Variants in FGFR2 observed in about 807,000 individuals in gnomAD.
The protein encoded by FGFR2 is BEK fibroblast growth factor receptor.
Under a neutral mutation model 95.9 loss-of-function variants are expected in FGFR2, and 19 were observed. The ratio of observed to expected loss-of-function variants is 0.20; its 90% confidence interval spans 0.14 to 0.29. The LOEUF (loss-of-function observed/expected upper bound fraction) is 0.29, where lower values mean the gene tolerates loss of function less well. FGFR2 is among the 10% of genes least tolerant of loss of function. The pLI, the probability that FGFR2 is intolerant of heterozygous loss-of-function variation, is 1.00. For missense variants in FGFR2, 707 were observed against 1,056.9 expected, an observed-to-expected ratio of 0.67 and a Z score of 4.59; for synonymous variants, 392 against 393.3, an observed-to-expected ratio of 1.00 and a Z score of 0.04.
chr10:121,482,096 CA>C (rs1325628458), intron 17 of FGFR2: 1 of 1,375,112 alleles, frequency 7.3e-7, no homozygotes, highest in Non-Finnish European at 1.0e-6. Context: ...CTCGGCCTCC[CA>C]AAGTGCTGGG....
intron 13 of FGFR2, 90 bp from the exon 14 acceptor site, chr10:121,488,203 A>T: frequency 6.4e-7 from 1 of 1,555,112 alleles, no homozygotes; most frequent in Non-Finnish European, 8.8e-7. Flanking sequence ...AAATGCAGAT[A>T]GAAAATATAG....
Position 121,586,150 on chromosome 10 carries a change from C to T in FGFR2, c.109+7559G>A, listed in dbSNP as rs41301573. ...ATTTAACAGTAAACTGTCAGGTATA[C>T]AAATGGGTCACATATAGTAATATAG... On this transcript the variant is annotated intron_variant, in intron 2 of 17. Transcript: ENST00000358487. Among the ~76,000 whole-genome samples, 773 of 152,200 alleles carry T rather than the reference C, an allele frequency of 5.1e-3. 11 individuals are homozygous for T. In the East Asian group the frequency reaches 0.062, roughly 12 times the overall value.
rs1285926952 is a variant in FGFR2, at chr10:121,485,991, G to GA, written c.2058-460dup. On this transcript the variant is annotated intron_variant, in intron 15 of 17. Transcript: ENST00000358487. The surrounding 1 kb of genome is among the most constrained non-coding windows in gnomAD (Gnocchi z 4.2). ...GAACATCTGCTGCACAGAGGCTCTG[G>GA]AACTTACTAAGATCGCAAAGGCAAT... 6.6e-6 allele frequency among the ~76,000 whole-genome samples: 1 copy of GA among 152,200 alleles called. No homozygotes were observed. The highest frequency in any genetic ancestry group is 1.9e-4 in the East Asian group (1 of 5,194).
chr10:121,537,541 G>A (rs1317104026), intron 6 of FGFR2, among the ~76,000 whole-genome samples: 1 of 152,154 alleles, frequency 6.6e-6, no homozygotes, highest in Non-Finnish European at 1.5e-5. Flanking sequence ...ACCCACACAT[G>A]AGATGATACT....
intron 5 of FGFR2, among the ~76,000 whole-genome samples, chr10:121,545,495 G>A (rs1313878892): frequency 6.6e-6 from 1 of 152,106 alleles, no homozygotes; most frequent in East Asian, 1.9e-4. Flanking sequence ...TTGCTCCATG[G>A]GAGGCACCTG....
At chr10:121,547,087 G>A (rs1381106853) in intron 5 of FGFR2, among the ~76,000 whole-genome samples, 1 of 152,130 alleles carries the variant, frequency 6.6e-6, no homozygotes, top group Non-Finnish European at 1.5e-5. Context: ...AGCTGGGTGT[G>A]GTGGCGGGCA....
chr10:121,546,139 G>A (rs1051444205), intron 5 of FGFR2, among the ~76,000 whole-genome samples: 9 of 146,354 alleles, frequency 6.1e-5, no homozygotes, highest in Admixed American at 5.5e-4. Context: ...TGCAATAACT[G>A]TCCTGAGCCC....
In FGFR2 at chr10:121,518,625, T is replaced by G. The variant is rs1048899800; in HGVS notation, c.940-1162A>C. 2 of 1,608,714 alleles carry G rather than the reference T, an allele frequency of 1.2e-6. No individual in the cohort carries two copies. Among genetic ancestry groups the G allele is most frequent in the Non-Finnish European group, 1.7e-6 (2 of 1,176,464 alleles). ...CAGTCTCCCAAAGCACCAAGTCTTTTCAGCTTCTATATCCAGCTTTCTTTT... is the reference window on the plus strand; with the variant it reads ...CAGTCTCCCAAAGCACCAAGTCTTTGCAGCTTCTATATCCAGCTTTCTTTT... On this transcript the variant is annotated intron_variant, in intron 7 of 17. Transcript: ENST00000358487. The surrounding 1 kb of genome is among the most constrained non-coding windows in gnomAD (Gnocchi z 4.0).
chr10:121,580,957 C>T (rs1412904819), intron 2 of FGFR2, among the ~76,000 whole-genome samples: 3 of 152,168 alleles, frequency 2.0e-5, no homozygotes, highest in Non-Finnish European at 4.4e-5. Flanking sequence ...ACAGGGCATC[C>T]CCCAGGCGAG....
chr10:121,543,199 G>C (rs909999080), intron 5 of FGFR2, among the ~76,000 whole-genome samples: 34 of 152,100 alleles, frequency 2.2e-4, no homozygotes, highest in African/African-American at 8.2e-4. Flanking sequence ...TCATTCAACA[G>C]GTGAGTTGCC....
Position 121,598,078 on chromosome 10 carries a change from C to T in FGFR2, c.-267G>A, listed in dbSNP as rs1423546430. 2 of 398,168 alleles carry T rather than the reference C, an allele frequency of 5.0e-6. No individual in the cohort carries two copies. Among genetic ancestry groups the T allele is most frequent in the Admixed American group, 4.4e-5 (1 of 22,722 alleles). 24.7% of individuals were successfully genotyped at this position (398,168 alleles called of 1,614,324 possible). ...GCAACTCCAAACGCAGAAGAGTGGT[C>T]CTTGGGTCTTCGCCGGCGCCAAGCC... On this transcript the variant is annotated 5_prime_UTR_variant, in exon 1 of 18. Transcript: ENST00000358487.
intron 6 of FGFR2, among the ~76,000 whole-genome samples, chr10:121,525,639 GAGA>G (rs1851263282): frequency 6.6e-6 from 1 of 151,890 alleles, no homozygotes; most frequent in Non-Finnish European, 1.5e-5. Context: ...GAGAGAGAGA[GAGA>G]GAGAGGAAAA....
At position 121,593,885 on chromosome 10, in the gene FGFR2, C is replaced by T. The variant is rs1222285281; in HGVS notation, c.-68G>A. 2 of 1,441,158 alleles carry T rather than the reference C, an allele frequency of 1.4e-6. No homozygotes were observed. The highest frequency in any genetic ancestry group is 2.3e-5 in the South Asian group (2 of 87,494). 89.3% of individuals were successfully genotyped at this position (1,441,158 alleles called of 1,614,324 possible). A position where few individuals can be genotyped will look rare whatever the true frequency, so the allele number is the denominator to read the frequency against. On this transcript the variant is annotated 5_prime_UTR_variant, in exon 2 of 18. Transcript: ENST00000358487. ...GGACGTTAATCCCATCTGCACACTT[C>T]CTCTACGGGCATGGACTACGCGCAA...
At chr10:121,511,260 T>C (rs1849028109) in intron 9 of FGFR2, among the ~76,000 whole-genome samples, 1 of 151,980 alleles carries the variant, frequency 6.6e-6, no homozygotes, top group African/African-American at 2.4e-5. Flanking sequence ...GAGATGAATT[T>C]ATCTGGACGG....
intron 7 of FGFR2, 72 bp downstream of exon 7, chr10:121,519,907 T>A (rs2134304122): frequency 6.9e-7 from 1 of 1,451,088 alleles, no homozygotes; most frequent in Non-Finnish European, 9.7e-7. Context: ...CAACAGGAAA[T>A]CAAAGAACCT....
At chr10:121,509,646 G>A (rs1589802190) in intron 9 of FGFR2, among the ~76,000 whole-genome samples, 2 of 151,844 alleles carry the variant, frequency 1.3e-5, no homozygotes, top group East Asian at 1.9e-4. Context: ...ACCACGCCCA[G>A]CTAATTTTGT....
intron 5 of FGFR2, 97 bp downstream of exon 5, chr10:121,551,193 C>T: frequency 2.1e-6 from 3 of 1,415,748 alleles, no homozygotes; most frequent in Non-Finnish European, 2.9e-6. Flanking sequence ...GCACTCCAGC[C>T]TGGGCGACAG....
chr10:121,524,146 A>ACACCC (rs142755962), intron 6 of FGFR2, among the ~76,000 whole-genome samples: 86 of 136,962 alleles, frequency 6.3e-4, no homozygotes, highest in Non-Finnish European at 9.4e-4. Flanking sequence ...ACACACACAC[A>ACACCC]CCCCAAGTTT....
rs183314402 is a variant in FGFR2 at position 121,543,454 on chromosome 10, G to A, written c.625-4739C>T. Reference sequence around the variant, plus strand: ...GAACCCGGGAGACAGAGACTGCAGTGAGCTGAGATCATGCCACTGTACTCC... The same window carrying A: ...GAACCCGGGAGACAGAGACTGCAGTAAGCTGAGATCATGCCACTGTACTCC... On this transcript the variant is annotated intron_variant, in intron 5 of 17. Transcript: ENST00000358487. 2.6e-5 allele frequency among the ~76,000 whole-genome samples: 4 copies of A among 152,306 alleles called. No homozygotes were observed. The East Asian group carries it at 7.7e-4, about 29-fold the overall frequency.
Sources: gnomAD v4.1 joint callset for allele counts (sites outside exome capture counted in the v4.1 genomes callset) on GRCh38, gnomAD v4.1.1 for gene constraint, Gnocchi (gnomAD v3.1) non-coding constraint, MANE v1.5 for transcripts, NCBI Gene and HGNC (gene_info 2026-07-23, HGNC 2026-07-21) for gene names.